ERBB4: variants seen among roughly 807,000 people sequenced by gnomAD.
ERBB4 encodes receptor tyrosine-protein kinase erbB-4.
In ERBB4, 42 loss-of-function variants were observed where a neutral mutation model predicts 158.0. The observed-to-expected ratio is 0.27, with a 90% CI of 0.21 to 0.34. The LOEUF (loss-of-function observed/expected upper bound fraction) is 0.34. Ranked by LOEUF, ERBB4 falls within the 10% of genes least tolerant of loss-of-function variation. The probability of loss-of-function intolerance (pLI) is 1.00; values close to 1 mark genes in which losing one functional copy is unlikely to be tolerated. For synonymous variants in ERBB4, 583 were observed against 558.7 expected (o/e 1.04, Z -0.61); for missense variants, 1,333 against 1,624.1 (o/e 0.82, Z 3.08).
intron 1 of ERBB4, among the ~76,000 whole-genome samples, chr2:212,522,462 C>T (rs761184042): frequency 2.3e-4 from 35 of 151,668 alleles, no homozygotes; most frequent in South Asian, 1.7e-3. Flanking sequence ...TAGCTTGAGT[C>T]GGAGATGCTG....
At chr2:212,378,229 T>A (rs1202503318) in intron 1 of ERBB4, among the ~76,000 whole-genome samples, 1 of 151,876 alleles carries the variant, frequency 6.6e-6, no homozygotes, top group Non-Finnish European at 1.5e-5. Context: ...TGCACCTCTC[T>A]CTCTCTCTGA....
chr2:211,709,274 T>TACATATATATATATATAC (rs2073594035), intron 9 of ERBB4, among the ~76,000 whole-genome samples: 5 of 136,532 alleles, frequency 3.7e-5, no homozygotes, highest in African/African-American at 1.4e-4. Flanking sequence ...TATATATATA[T>TACATATATATATATATAC]ACATACATAT....
chr2:212,313,603 A>C (rs755374552), intron 1 of ERBB4, among the ~76,000 whole-genome samples: 4 of 150,950 alleles, frequency 2.6e-5, no homozygotes, highest in Non-Finnish European at 5.9e-5. Flanking sequence ...ATTCAATGCT[A>C]TGCTCGTCTA....
chr2:211,642,608 C>T (rs1272075717), intron 16 of ERBB4, among the ~76,000 whole-genome samples: 1 of 152,060 alleles, frequency 6.6e-6, no homozygotes, highest in Non-Finnish European at 1.5e-5. Context: ...TTTTTATAAG[C>T]TCAAACATAA....
chr2:211,826,733 T>G (rs1023671163), intron 3 of ERBB4, among the ~76,000 whole-genome samples: 1 of 151,950 alleles, frequency 6.6e-6, no homozygotes, highest in Non-Finnish European at 1.5e-5. Context: ...CACAAAAGGA[T>G]ACACCAATAT....
At chr2:212,533,079 G>GA (rs1187288602) in intron 1 of ERBB4, among the ~76,000 whole-genome samples, 1 of 152,008 alleles carries the variant, frequency 6.6e-6, no homozygotes, top group African/African-American at 2.4e-5. Flanking sequence ...CAACAACTCA[G>GA]AAAAAATAAA....
At chr2:212,064,843 T>C (rs533022875) in intron 2 of ERBB4, among the ~76,000 whole-genome samples, 1 of 152,212 alleles carries the variant, frequency 6.6e-6, no homozygotes, top group South Asian at 2.1e-4. Flanking sequence ...TATAATTTCT[T>C]AATATCAAAC....
chr2:211,743,931 T>C (rs1179075890), intron 5 of ERBB4, among the ~76,000 whole-genome samples: 2 of 152,232 alleles, frequency 1.3e-5, no homozygotes, highest in Non-Finnish European at 2.9e-5. Context: ...TATAGGGTCA[T>C]GGTGCTCTAA....
At position 212,446,593 on chromosome 2, in the gene ERBB4, A is replaced by ATC. The variant is rs2092356612; in HGVS notation, c.82+91855_82+91856insGA. Reference sequence around the variant, plus strand: ...AATAAACTCCCATATATATATATGTATATATATATATATATATATATATAT... The same window carrying ATC: ...AATAAACTCCCATATATATATATGTATCTATATATATATATATATATATATAT... On this transcript the variant is annotated intron_variant, in intron 1 of 27. Coordinates refer to ENST00000342788, the MANE Select transcript of ERBB4 (RefSeq NM_005235.3). Among the ~76,000 whole-genome samples the ATC allele has an allele frequency of 3.8e-4, 5 of 13,184 alleles. 1 individual carries two copies. Among genetic ancestry groups the ATC allele is most frequent in the Admixed American group, 3.4e-3 (5 of 1,454 alleles). The allele number at this position is 13,184 out of a possible 152,430, so 8.6% of individuals were successfully genotyped here. A position where few individuals can be genotyped will look rare whatever the true frequency, so the allele number is the denominator to read the frequency against.
Position 211,630,551 on chromosome 2 carries a change from G to A in ERBB4, c.1990C>T (p.Leu664=), listed in dbSNP as rs2070071163. Residue 664 remains leucine (L), a synonymous_variant, in exon 17 of 28, where the codon CTG becomes TTG. Coordinates refer to ENST00000342788, the MANE Select transcript of ERBB4 (RefSeq NM_005235.3). ...GCAAATGTCAGACCCACAATGACCA[G>A]AATGAAGAGCCCACCAATTACTCCA... ...AAGVIGGLFI[L]VIVGLTFAVY... 6.2e-7 allele frequency: 1 copy of A among 1,613,194 alleles called. No individual in the cohort carries two copies.
At chr2:212,038,066 G>A (rs946021441) in intron 2 of ERBB4, among the ~76,000 whole-genome samples, 1 of 152,088 alleles carries the variant, frequency 6.6e-6, no homozygotes, top group African/African-American at 2.4e-5. Flanking sequence ...AAATGGTGAT[G>A]AAATATATTA....
chr2:211,833,952 T>C (rs1227274138), intron 3 of ERBB4, among the ~76,000 whole-genome samples: 1 of 152,068 alleles, frequency 6.6e-6, no homozygotes, highest in Non-Finnish European at 1.5e-5. Flanking sequence ...GTTCACTGGA[T>C]GCCACCCCTA....
chr2:211,524,281 CT>C (rs2066274104), intron 20 of ERBB4, among the ~76,000 whole-genome samples: 1 of 152,206 alleles, frequency 6.6e-6, no homozygotes, highest in African/African-American at 2.4e-5. Flanking sequence ...GGTTCTCCAC[CT>C]CTCCACCAGA....
At position 212,188,230 on chromosome 2, in the gene ERBB4, CTCT is replaced by C. The variant is rs1245908468; in HGVS notation, c.83-63330_83-63328del. On this transcript the variant is annotated intron_variant, in intron 1 of 27. Coordinates refer to ENST00000342788, the MANE Select transcript of ERBB4 (RefSeq NM_005235.3). ...TCTCTCTCTCTCTCTCTCTCTCTCT[CTCT>C]CCCCCCCCCTCTCACCCCCTCCCTC... Among the ~76,000 whole-genome samples, 182 of 32,654 alleles carry C rather than the reference CTCT, an allele frequency of 5.6e-3. 11 individuals are homozygous for C. The highest frequency in any genetic ancestry group is 9.0e-3 in the Non-Finnish European group (143 of 15,822). 21.4% of individuals were successfully genotyped at this position (32,654 alleles called of 152,430 possible).
intron 1 of ERBB4, among the ~76,000 whole-genome samples, chr2:212,417,445 A>G (rs1449987424): frequency 6.6e-6 from 1 of 152,042 alleles, no homozygotes; most frequent in Non-Finnish European, 1.5e-5. Flanking sequence ...GAGCGCTGAC[A>G]TTACACTAAT....
At chr2:212,350,947 C>G (rs905302725) in intron 1 of ERBB4, among the ~76,000 whole-genome samples, 2 of 152,130 alleles carry the variant, frequency 1.3e-5, no homozygotes, top group African/African-American at 4.8e-5. Context: ...AAATGACCTG[C>G]ACACATATCT....
intron 1 of ERBB4, among the ~76,000 whole-genome samples, chr2:212,332,018 A>G (rs535438203): frequency 1.3e-5 from 2 of 152,132 alleles, no homozygotes; most frequent in African/African-American, 4.8e-5. Flanking sequence ...TTCGAGAAAA[A>G]TTAACTAATA....
intron 3 of ERBB4, among the ~76,000 whole-genome samples, chr2:211,869,045 A>C (rs1463558104): frequency 3.9e-5 from 6 of 152,172 alleles, no homozygotes. Context: ...TCTAAGTTAA[A>C]GTCTAAATAT....
intron 20 of ERBB4, among the ~76,000 whole-genome samples, chr2:211,436,954 T>G (rs112080555): frequency 0.022 from 3,285 of 152,292 alleles, 116 homozygotes; most frequent in African/African-American, 0.074. Flanking sequence ...AAAGGTTCAG[T>G]GCTGTAGAAT....
Sources: allele counts gnomAD v4.1 joint callset (sites outside exome capture counted in the v4.1 genomes callset), GRCh38; gene constraint gnomAD v4.1.1; transcripts MANE v1.5; gene names NCBI Gene and HGNC (gene_info 2026-07-23, HGNC 2026-07-21).